PGR: variants seen among roughly 807,000 people sequenced by gnomAD.
PGR encodes the protein nuclear receptor subfamily 3 group C member 3.
PGR carries 25 observed loss-of-function variants against 76.1 expected under a neutral mutation model. That is an observed-to-expected ratio of 0.33 (90% CI 0.24 to 0.46). The LOEUF (loss-of-function observed/expected upper bound fraction) is 0.46, where lower values mean the gene tolerates loss of function less well. Ranked by LOEUF, PGR falls within the 20% of genes least tolerant of loss-of-function variation. PGR has a pLI of 1.00. For missense variants in PGR, 1,172 were observed against 1,225.3 expected (o/e 0.96, Z 0.65); for synonymous variants, 579 against 535.0 (o/e 1.08, Z -1.14).
At chr11:101,127,328 G>A (rs1053375394) in intron 1 of PGR, 106 bp downstream of exon 1, 1 of 814,248 alleles carries the variant, frequency 1.2e-6, no homozygotes, top group Non-Finnish European at 1.8e-6. Context: ...GCCGCCCCGG[G>A]GAGCGCAGCG....
intron 2 of PGR, among the ~76,000 whole-genome samples, chr11:101,103,059 C>T (rs888450012): frequency 6.6e-6 from 1 of 151,466 alleles, no homozygotes; most frequent in African/African-American, 2.4e-5. Context: ...AATGCTCACT[C>T]ACCTGCTGCT....
chr11:101,065,778 G>C (rs1431396204), intron 3 of PGR, among the ~76,000 whole-genome samples: 1 of 152,100 alleles, frequency 6.6e-6, no homozygotes, highest in African/African-American at 2.4e-5. Context: ...CTGAGACGCT[G>C]GGGGTGAGCA....
chr11:101,082,522 C>A (rs1434099751), intron 3 of PGR, among the ~76,000 whole-genome samples: 5 of 152,124 alleles, frequency 3.3e-5, no homozygotes, highest in African/African-American at 9.7e-5. Flanking sequence ...GTGACATGGA[C>A]AATGAGTCTA....
In PGR at chr11:101,129,263, A is replaced by T. The variant is rs1863024024; in HGVS notation, c.-193T>A. On this transcript the variant is annotated 5_prime_UTR_variant, in exon 1 of 8. It removes an upstream start codon present in the reference 5' UTR. Transcript: ENST00000325455. ...TGGTCAGCTCCTGCCCTTGGCCTCC[A>T]TCCTGTCGTCAGGGGAACTGTGGCT... 1 of 531,012 alleles carries T rather than the reference A, an allele frequency of 1.9e-6. No homozygotes were observed. The highest frequency in any genetic ancestry group is 3.1e-5 in the South Asian group (1 of 32,014). The allele number at this position is 531,012 out of a possible 1,614,324, so 32.9% of individuals were successfully genotyped here.
chr11:101,041,709 C>A, intron 7 of PGR: 1 of 464,706 alleles, frequency 2.2e-6, no homozygotes, highest in African/African-American at 2.0e-5. Context: ...TAATTTCTAT[C>A]AGCTATTAAA....
At chr11:101,116,552 C>G (rs1862516194) in intron 2 of PGR, among the ~76,000 whole-genome samples, 1 of 152,022 alleles carries the variant, frequency 6.6e-6, no homozygotes, top group Non-Finnish European at 1.5e-5. Flanking sequence ...CCAATCTGGT[C>G]AACACGGTGA....
chr11:101,041,283 T>A (rs935359106), intron 7 of PGR, among the ~76,000 whole-genome samples: 2 of 152,084 alleles, frequency 1.3e-5, no homozygotes, highest in African/African-American at 4.8e-5. Context: ...AGCTTTTTTA[T>A]GCCTTCACTG....
At position 101,087,455 on chromosome 11, in the gene PGR, A is replaced by C. The variant is rs188824511; in HGVS notation, c.1906+4305T>G. Among the ~76,000 whole-genome samples, 125 of 152,344 alleles carry C rather than the reference A, an allele frequency of 8.2e-4. 1 individual carries two copies. Among genetic ancestry groups the C allele is most frequent in the Non-Finnish European group, 5.9e-4 (40 of 68,024 alleles). ...CTCAAGGTAGATTAAAGATTTAAAT[A>C]TAACACCTCAAACCATAGGAATCCT... On this transcript the variant is annotated intron_variant, in intron 3 of 7. Coordinates refer to ENST00000325455, the MANE Select transcript of PGR (RefSeq NM_000926.4).
At chr11:101,073,829 G>A (rs573675181) in intron 3 of PGR, among the ~76,000 whole-genome samples, 1 of 152,074 alleles carries the variant, frequency 6.6e-6, no homozygotes, top group Admixed American at 6.6e-5. Context: ...TGAAATTGAG[G>A]CAGTAATTAA....
intron 3 of PGR, among the ~76,000 whole-genome samples, chr11:101,081,276 A>G (rs1861297472): frequency 6.6e-6 from 1 of 152,056 alleles, no homozygotes; most frequent in Non-Finnish European, 1.5e-5. Context: ...AAAAATACAA[A>G]AAATTAGCCA....
chr11:101,033,130 A>G lies in PGR; in HGVS notation c.*5986T>C. Reference sequence around the variant, plus strand: ...ACATGCACAACTCAGAAAAGTTAAAATACACAGAATACTAAGATCAAAAGG... The same window carrying G: ...ACATGCACAACTCAGAAAAGTTAAAGTACACAGAATACTAAGATCAAAAGG... On this transcript the variant is annotated 3_prime_UTR_variant, in exon 8 of 8. Transcript: ENST00000325455. 1.4e-5 allele frequency: 3 copies of G among 207,626 alleles called. No homozygotes were observed. The highest frequency in any genetic ancestry group is 2.0e-5 in the Non-Finnish European group (2 of 101,664). The allele number at this position is 207,626 out of a possible 1,614,324, so 12.9% of individuals were successfully genotyped here.
At chr11:101,108,686 A>T (rs1862253199) in intron 2 of PGR, among the ~76,000 whole-genome samples, 2 of 152,190 alleles carry the variant, frequency 1.3e-5, no homozygotes, top group Non-Finnish European at 2.9e-5. Context: ...CTGGCTAGGT[A>T]TCTTTAGGAA....
Position 101,128,607 on chromosome 11 carries a change from G to T in PGR, c.464C>A (p.Pro155His). 6.3e-7 allele frequency: 1 copy of T among 1,590,728 alleles called. No individual in the cohort carries two copies. ...CGGGGACAACACCCGCTGGGTGGCG[G>T]GGGCAGCCGGTGGATCTTCGGGAAG... Reference protein sequence around the residue: ...PELPEDPPAAPATQRVLSPLM... With the variant: ...PELPEDPPAAHATQRVLSPLM... The change falls in exon 1 of 8, where the codon CCC becomes CAC. Residue 155 changes from proline to histidine, a missense_variant. Pro to His is a moderately conservative substitution (Grantham distance 77, BLOSUM62 -2). Coordinates refer to ENST00000325455, the MANE Select transcript of PGR (RefSeq NM_000926.4).
At chr11:101,113,336 A>C (rs899669850) in intron 2 of PGR, among the ~76,000 whole-genome samples, 1 of 150,544 alleles carries the variant, frequency 6.6e-6, no homozygotes, top group South Asian at 2.1e-4. Flanking sequence ...ATCTCCACTC[A>C]CTGTAAGCTC....
At chr11:101,040,779 T>A (rs553759561) in intron 7 of PGR, among the ~76,000 whole-genome samples, 2 of 152,088 alleles carry the variant, frequency 1.3e-5, no homozygotes, top group East Asian at 3.9e-4. Context: ...AGAAAACTTG[T>A]ATGTTTCAGT....
chr11:101,041,237 G>T (rs1859684848), intron 7 of PGR, among the ~76,000 whole-genome samples: 1 of 151,906 alleles, frequency 6.6e-6, no homozygotes. Flanking sequence ...TTCGTATTCA[G>T]GAGTAAGACC....
chr11:101,109,233 G>T (rs1489323968), intron 2 of PGR, among the ~76,000 whole-genome samples: 1 of 152,156 alleles, frequency 6.6e-6, no homozygotes, highest in Non-Finnish European at 1.5e-5. Flanking sequence ...TGAAAGGAAG[G>T]GTTGCATATG....
intron 1 of PGR, chr11:101,127,183 A>G: frequency 3.0e-6 from 1 of 331,674 alleles, no homozygotes; most frequent in Non-Finnish European, 5.4e-6. Flanking sequence ...ACAAACAAAA[A>G]AACAGCTTTC....
chr11:101,069,353 G>A (rs1011018865), intron 3 of PGR, among the ~76,000 whole-genome samples: 13 of 152,140 alleles, frequency 8.5e-5, no homozygotes, highest in Admixed American at 2.0e-4. Context: ...TAAAAAGTCA[G>A]GAAACAACAG....
Sources: gnomAD v4.1 joint callset for allele counts (sites outside exome capture counted in the v4.1 genomes callset) on GRCh38, gnomAD v4.1.1 for gene constraint, MANE v1.5 for transcripts, NCBI Gene and HGNC (gene_info 2026-07-23, HGNC 2026-07-21) for gene names.